KIF21B: variants seen among roughly 807,000 people sequenced by gnomAD.
KIF21B encodes the protein kinesin-like protein KIF21B.
In KIF21B, 85 loss-of-function variants were observed where a neutral mutation model predicts 192.9. The observed-to-expected ratio is 0.44, with a 90% CI of 0.37 to 0.53. The LOEUF (loss-of-function observed/expected upper bound fraction) is 0.53. Among genes scored for constraint, KIF21B ranks in the 20% least tolerant of loss-of-function variants. KIF21B has a pLI of 0.00. For missense variants in KIF21B, 1,716 were observed against 2,194.8 expected, an observed-to-expected ratio of 0.78 and a Z score of 4.36; for synonymous variants, 832 against 884.6, an observed-to-expected ratio of 0.94 and a Z score of 1.05.
chr1:200,994,294 C>A (rs919335734), intron 15 of KIF21B, among the ~76,000 whole-genome samples: 5 of 152,250 alleles, frequency 3.3e-5, no homozygotes, highest in African/African-American at 1.2e-4. Flanking sequence ...CCCGTGGCTG[C>A]AGGCCCCACC....
intron 27 of KIF21B, among the ~76,000 whole-genome samples, chr1:200,983,804 T>C (rs901435144): frequency 6.6e-6 from 1 of 152,100 alleles, no homozygotes; most frequent in Admixed American, 6.5e-5. Flanking sequence ...TGAGCCAAGA[T>C]AGGTTTGGGG....
intron 14 of KIF21B, among the ~76,000 whole-genome samples, chr1:200,997,726 A>G (rs1395175241): frequency 6.7e-6 from 1 of 148,684 alleles, no homozygotes; most frequent in Non-Finnish European, 1.5e-5. Flanking sequence ...TGGACAACAG[A>G]GAGAGATTTT....
At position 200,999,558 on chromosome 1, in the gene KIF21B, A is replaced by G; in HGVS notation, c.1768-92T>C. The G allele has an allele frequency of 6.4e-7, 1 of 1,556,230 alleles. No homozygotes were observed. Among genetic ancestry groups the G allele is most frequent in the Non-Finnish European group, 8.7e-7 (1 of 1,152,724 alleles). On this transcript the variant is annotated intron_variant, in intron 12 of 34. Transcript: ENST00000461742. The surrounding 1 kb of genome is among the most constrained non-coding windows in gnomAD (Gnocchi z 4.7). The stretch of plus-strand genomic sequence containing the variant: ...CCCGACACAATGCCTCAGGTGTGTC[A>G]GGAGGGTGGGGATTGGGGCAGGCCA...
At chr1:200,977,186 C>T (rs778479507) in intron 31 of KIF21B, 26 bp downstream of exon 31, 2 of 1,591,282 alleles carry the variant, frequency 1.3e-6, no homozygotes, top group Non-Finnish European at 1.7e-6. Flanking sequence ...GCCAAACCCT[C>T]CTCCCTCCCC....
At chr1:201,009,602 G>A (rs1450963987) in intron 1 of KIF21B, 114 bp from the exon 2 acceptor site, 2 of 1,047,422 alleles carry the variant, frequency 1.9e-6, no homozygotes, top group Admixed American at 2.5e-5. Context: ...AGAGGAAAAG[G>A]AAGGAAGCTT....
Position 200,982,581 on chromosome 1 carries a change from C to G in KIF21B, c.3842+475G>C, listed in dbSNP as rs1353433369. ...GCTGCCCCCATGGTGCCCCTCCCCCCATGGTGCCCCTCCCAGAGCCAACGT... is the reference window on the plus strand; with the variant it reads ...GCTGCCCCCATGGTGCCCCTCCCCCGATGGTGCCCCTCCCAGAGCCAACGT... On this transcript the variant is annotated intron_variant, in intron 28 of 34. Transcript: ENST00000461742. This position sits in a 1 kb window ranked among gnomAD's most constrained non-coding sequence, Gnocchi z 4.7. 1.3e-5 allele frequency among the ~76,000 whole-genome samples: 2 copies of G among 152,182 alleles called. No homozygotes were observed. Among genetic ancestry groups the G allele is most frequent in the Non-Finnish European group, 2.9e-5 (2 of 68,018 alleles).
In KIF21B at chr1:200,976,864, T is replaced by G; in HGVS notation, c.4355A>C (p.His1452Pro). 6.2e-7 allele frequency: 1 copy of G among 1,611,922 alleles called. No individual in the cohort carries two copies. Among genetic ancestry groups the G allele is most frequent in the Non-Finnish European group, 8.5e-7 (1 of 1,178,348 alleles). ...RFQPVGKLTG[H>P]IGPVMCLTVT... ...CGTCAGGCACATCACAGGGCCGATG[T>G]GGCCAGTCAGCTTGCCGACAGGCTG... The change falls in exon 32 of 35, where the codon CAC (histidine) becomes CCC (proline). Residue 1452 changes from histidine (H) to proline (P), a missense_variant. Physicochemically the swap from His to Pro is moderately conservative, Grantham distance 77. Coordinates refer to ENST00000461742, the MANE Select transcript of KIF21B (RefSeq NM_001252102.2).
intron 17 of KIF21B, 82 bp downstream of exon 17, chr1:200,991,575 A>G: frequency 1.3e-5 from 19 of 1,423,846 alleles, no homozygotes; most frequent in Non-Finnish European, 1.8e-5. Context: ...TGGAGGCCCA[A>G]AAGAGAAGGC....
At chr1:200,985,035 G>A (rs574509409) in intron 26 of KIF21B, 63 bp from the exon 27 acceptor site, 8 of 1,219,592 alleles carry the variant, frequency 6.6e-6, no homozygotes, top group South Asian at 2.7e-5. Context: ...CCCCTACTTG[G>A]TGCTGGGCTT....
rs779076827 is a variant in KIF21B, at chr1:201,000,637, C to T, written c.1467-29G>A. 5.6e-6 allele frequency: 9 copies of T among 1,613,204 alleles called. No individual in the cohort carries two copies. The highest frequency in any genetic ancestry group is 7.6e-6 in the Non-Finnish European group (9 of 1,179,652). On this transcript the variant is annotated intron_variant, in intron 10 of 34. Transcript: ENST00000461742. The surrounding 1 kb of genome is among the most constrained non-coding windows in gnomAD (Gnocchi z 6.0). Reference sequence around the variant, plus strand: ...CACAGGAAGAACGAGTGGACGGGGCCGAGTGAGCTGCCACAGCCCTTGGCG... The same window carrying T: ...CACAGGAAGAACGAGTGGACGGGGCTGAGTGAGCTGCCACAGCCCTTGGCG...
intron 6 of KIF21B, 135 bp from the exon 7 acceptor site, chr1:201,004,590 G>T (rs1657693407): frequency 1.8e-6 from 2 of 1,115,618 alleles, no homozygotes; most frequent in Non-Finnish European, 2.6e-6. Flanking sequence ...GGGTTTATAG[G>T]CACATGGATA....
chr1:200,975,049 C>G lies in KIF21B; in HGVS notation c.4615-136G>C, dbSNP rs1655453643. 3.6e-6 allele frequency: 3 copies of G among 844,604 alleles called. No homozygotes were observed. Among genetic ancestry groups the G allele is most frequent in the East Asian group, 5.2e-5 (2 of 38,478 alleles). The allele number at this position is 844,604 out of a possible 1,614,324, so 52.3% of individuals were successfully genotyped here. The stretch of plus-strand genomic sequence containing the variant: ...AGAGCTGCCACACGGGCGGGTGACA[C>G]TGGTTCCAGGAGCCATGCTGGGGTG... On this transcript the variant is annotated intron_variant, in intron 33 of 34. Transcript: ENST00000461742. This position sits in a 1 kb window ranked among gnomAD's most constrained non-coding sequence, Gnocchi z 4.3.
At chr1:200,983,166 G>A (rs755605172) in intron 27 of KIF21B, 72 bp from the exon 28 acceptor site, 164 of 1,334,782 alleles carry the variant, frequency 1.2e-4, no homozygotes, top group Non-Finnish European at 1.6e-4. Context: ...AGAGGCGGCA[G>A]CAGTGTGTGG....
At chr1:200,974,077 A>G in intron 34 of KIF21B, 1 of 1,611,598 alleles carries the variant, frequency 6.2e-7, no homozygotes, top group Non-Finnish European at 8.5e-7. Flanking sequence ...AAGAGGAGAC[A>G]GGGAGAGTTG....
chr1:201,021,199 T>G (rs1658800499), intron 1 of KIF21B, among the ~76,000 whole-genome samples: 1 of 152,194 alleles, frequency 6.6e-6, no homozygotes, highest in African/African-American at 2.4e-5. Flanking sequence ...CTGCTCTCCT[T>G]CCCAGCCCAG....
In KIF21B at chr1:201,023,426, GT is replaced by G; in HGVS notation, c.-44del. On this transcript the variant is annotated 5_prime_UTR_variant, in exon 1 of 35. The change abolishes the stop of an existing upstream ORF in the 5' untranslated region. Transcript: ENST00000461742. This position sits in a 1 kb window ranked among gnomAD's most constrained non-coding sequence, Gnocchi z 5.9. Reference sequence around the variant, plus strand: ...GTCTGGGCGTGGATCAGAGGCGGGGGTCTGGGGGCCAATGCCCGAGGCAGCG... The same window carrying G: ...GTCTGGGCGTGGATCAGAGGCGGGGGCTGGGGGCCAATGCCCGAGGCAGCG... The G allele has an allele frequency of 7.3e-7, 1 of 1,375,764 alleles. No homozygotes were observed. Among genetic ancestry groups the G allele is most frequent in the Non-Finnish European group, 9.5e-7 (1 of 1,052,032 alleles). 85.2% of individuals were successfully genotyped at this position (1,375,764 alleles called of 1,614,324 possible).
chr1:201,002,179 G>A lies in KIF21B; in HGVS notation c.1384C>T (p.Leu462=), dbSNP rs748382113. The A allele has an allele frequency of 1.2e-6, 2 of 1,614,114 alleles. No homozygotes were observed. The highest frequency in any genetic ancestry group is 1.1e-5 in the South Asian group (1 of 91,088). ...VTQLMSQEAN[L]LLAKAGDGNE... ...AACTCACCGGCCTTGGCTAGCAGCA[G>A]GTTGGCCTCCTGGCTCATGAGCTGG... Residue 462 remains leucine (L), a synonymous_variant, in exon 9 of 35, where the codon CTG becomes TTG. Coordinates refer to ENST00000461742, the MANE Select transcript of KIF21B (RefSeq NM_001252102.2).
At position 200,971,738 on chromosome 1, in the gene KIF21B, T is replaced by C. The variant is rs1244176025; in HGVS notation, c.*1783A>G. On this transcript the variant is annotated 3_prime_UTR_variant, in exon 35 of 35. Transcript: ENST00000461742. ...AGCTGCCCCAGACTTCAATACCACA[T>C]CCAGCAGGGCCAGCACCAGCAGGAC... The C allele has an allele frequency of 6.6e-6, 1 of 152,534 alleles. No individual in the cohort carries two copies. The highest frequency in any genetic ancestry group is 1.5e-5 in the Non-Finnish European group (1 of 68,314). 9.4% of individuals were successfully genotyped at this position (152,534 alleles called of 1,614,324 possible).
chr1:201,018,995 T>C (rs1934438), intron 1 of KIF21B, among the ~76,000 whole-genome samples: 133,102 of 152,236 alleles, frequency 0.87, 58,484 homozygotes, highest in African/African-American at 0.96. Flanking sequence ...AGTGCAGTGG[T>C]GCGATCTCAG....
Sources: allele counts gnomAD v4.1 joint callset (sites outside exome capture counted in the v4.1 genomes callset), GRCh38; gene constraint gnomAD v4.1.1; non-coding constraint Gnocchi (gnomAD v3.1); transcripts MANE v1.5; gene names NCBI Gene and HGNC (gene_info 2026-07-23, HGNC 2026-07-21).